RDH8: variants seen among roughly 807,000 people sequenced by gnomAD.
RDH8 encodes photoreceptor outer segment all-trans retinol dehydrogenase.
Under a neutral mutation model 22.3 loss-of-function variants are expected in RDH8, and 14 were observed. That is an observed-to-expected ratio of 0.63 (90% confidence interval 0.42 to 0.98). The LOEUF is 0.98. RDH8 is among the 50% of genes least tolerant of loss of function. The pLI is 0.00. For synonymous variants in RDH8, 175 were observed against 171.7 expected (o/e 1.02, Z -0.15); for missense variants, 389 against 409.8 (o/e 0.95, Z 0.44).
At chr19:10,016,989 A>C in intron 1 of RDH8, 68 bp from the exon 2 acceptor site, 1 of 1,400,964 alleles carries the variant, frequency 7.1e-7, no homozygotes, top group South Asian at 1.7e-5. Flanking sequence ...AAGATCACAG[A>C]CACGTGGCGC....
At chr19:10,017,331 G>A (rs2145166297) in intron 2 of RDH8, 116 bp downstream of exon 2, 1 of 1,160,614 alleles carries the variant, frequency 8.6e-7, no homozygotes, top group East Asian at 2.7e-5. Flanking sequence ...CTGAACCTGG[G>A]CAGAAGGGGT....
chr19:10,018,817 G>A lies in RDH8; in HGVS notation c.349G>A (p.Gly117Arg), dbSNP rs376536467. The change falls in exon 3 of 6, where the codon GGA becomes AGA. Residue 117 changes from glycine to arginine, a missense_variant. Transcript: ENST00000591589. The part of the protein sequence containing the change: ...MQNVFDTNFF[G>R]AVRLVKAVLP... ...GAATGTCTTTGACACCAACTTTTTCGGAGCTGTCCGTCTCGTCAAAGCTGT... is the reference window on the plus strand; with the variant it reads ...GAATGTCTTTGACACCAACTTTTTCAGAGCTGTCCGTCTCGTCAAAGCTGT... 1.1e-5 allele frequency: 18 copies of A among 1,613,818 alleles called. No individual in the cohort carries two copies. Among genetic ancestry groups the A allele is most frequent in the East Asian group, 4.5e-5 (2 of 44,870 alleles).
Position 10,021,740 on chromosome 19 carries a change from G to A in RDH8, c.927G>A (p.Arg309=). The part of the protein sequence containing the change: ...LSCGCLPTRV[R]PR The stretch of plus-strand genomic sequence containing the variant: ...GCGGCTGCCTCCCAACGCGGGTGCG[G>A]CCAAGATGAGCAGAACAGAGCTTCA... The change falls in exon 6 of 6, where the codon CGG becomes CGA. Residue 309 remains arginine, a synonymous_variant. Coordinates refer to ENST00000591589, the MANE Select transcript of RDH8 (RefSeq NM_015725.4). The A allele has an allele frequency of 1.2e-6, 2 of 1,613,282 alleles. No individual in the cohort carries two copies. Among genetic ancestry groups the A allele is most frequent in the Non-Finnish European group, 1.7e-6 (2 of 1,179,974 alleles).
rs746578177 is a variant in RDH8 at position 10,018,798 on chromosome 19, C to T, written c.330C>T (p.Val110=). ...TCAGCCTTGCTGCCATGCAGAATGT[C>T]TTTGACACCAACTTTTTCGGAGCTG... The part of the protein sequence containing the change: ...EGLSLAAMQN[V]FDTNFFGAVR... Residue 110 remains valine, a synonymous_variant, in exon 3 of 6, where the codon GTC becomes GTT. Transcript: ENST00000591589. 1.2e-6 allele frequency: 2 copies of T among 1,614,048 alleles called. No homozygotes were observed. Among genetic ancestry groups the T allele is most frequent in the South Asian group, 2.2e-5 (2 of 91,042 alleles).
At position 10,013,615 on chromosome 19, in the gene RDH8, G is replaced by A; in HGVS notation, c.103+15G>A. ...GCGCTACCAGGGTAAGAAGTGCAGG[G>A]TGGCACTAGGAGGCAGCCGGGTGGA... On this transcript the variant is annotated intron_variant, in intron 1 of 5. Transcript: ENST00000591589. The A allele has an allele frequency of 3.7e-6, 6 of 1,613,758 alleles. No homozygotes were observed. The highest frequency in any genetic ancestry group is 5.1e-6 in the Non-Finnish European group (6 of 1,179,974).
At position 10,021,752 on chromosome 19, in the gene RDH8, A is replaced by G; in HGVS notation, c.*3A>G. ...CAACGCGGGTGCGGCCAAGATGAGC[A>G]GAACAGAGCTTCACGATCCCCATCC... is the stretch of plus-strand genomic sequence containing the variant. On this transcript the variant is annotated 3_prime_UTR_variant, in exon 6 of 6. Transcript: ENST00000591589. 1 of 1,612,926 alleles carries G rather than the reference A, an allele frequency of 6.2e-7. No homozygotes were observed. The highest frequency in any genetic ancestry group is 8.5e-7 in the Non-Finnish European group (1 of 1,179,746).
At chr19:10,016,515 C>T (rs2087618395) in intron 1 of RDH8, among the ~76,000 whole-genome samples, 1 of 151,830 alleles carries the variant, frequency 6.6e-6, no homozygotes, top group Non-Finnish European at 1.5e-5. Flanking sequence ...GACGGTAGTG[C>T]AGTGGCTCCA....
rs542025894 is a variant in RDH8, at chr19:10,021,739, G to A, written c.926G>A (p.Arg309Gln). Residue 309 changes from arginine to glutamine, a missense_variant, in exon 6 of 6, where the codon CGG (arginine) becomes CAG (glutamine). Physicochemically the swap from Arg to Gln is conservative, Grantham distance 43. Transcript: ENST00000591589. ...TGCGGCTGCCTCCCAACGCGGGTGC[G>A]GCCAAGATGAGCAGAACAGAGCTTC... ...LSCGCLPTRV[R>Q]PR The A allele has an allele frequency of 1.8e-5, 29 of 1,613,404 alleles. No individual in the cohort carries two copies. Among genetic ancestry groups the A allele is most frequent in the South Asian group, 8.8e-5 (8 of 91,066 alleles).
intron 1 of RDH8, among the ~76,000 whole-genome samples, chr19:10,015,900 C>T (rs975008976): frequency 6.6e-6 from 1 of 150,894 alleles, no homozygotes; most frequent in African/African-American, 2.4e-5. Context: ...TGCAGTGAGC[C>T]GAGATTGCAC....
Position 10,018,908 on chromosome 19 carries a change from AG to A in RDH8, c.442+1del. On this transcript the variant is annotated frameshift_variant and splice_region_variant, in exon 3 of 6. Coordinates refer to ENST00000591589, the MANE Select transcript of RDH8 (RefSeq NM_015725.4). LOFTEE classifies it high-confidence loss of function. ...GTGATCAGCAGTGTCATGGGCCTGC[AG>A]GGTGAGCTGTGGGGACCCAACCCTG... ...IVVISSVMGL[Q>X]GVIFNDVYAA... 2.5e-6 allele frequency: 4 copies of A among 1,603,398 alleles called. No homozygotes were observed. The highest frequency in any genetic ancestry group is 4.5e-5 in the East Asian group (2 of 44,540).
chr19:10,021,187 A>AAT, intron 4 of RDH8, 68 bp from the exon 5 acceptor site: 1 of 1,502,146 alleles, frequency 6.7e-7, no homozygotes. Context: ...AAAAAAAAAA[A>AAT]AAATGGACAA....
At chr19:10,020,826 G>T (rs1006495554) in intron 4 of RDH8, 24 bp downstream of exon 4, 3 of 1,556,790 alleles carry the variant, frequency 1.9e-6, no homozygotes, top group Non-Finnish European at 2.6e-6. Context: ...GTGGGCAGAG[G>T]GGGCTTGGAG....
chr19:10,018,346 G>A (rs1013252579), intron 2 of RDH8, among the ~76,000 whole-genome samples: 7 of 152,180 alleles, frequency 4.6e-5, no homozygotes, highest in African/African-American at 1.7e-4. Flanking sequence ...CTCATATATG[G>A]AGAAAGCCAT....
chr19:10,017,909 G>A (rs2087631594), intron 2 of RDH8, among the ~76,000 whole-genome samples: 1 of 151,902 alleles, frequency 6.6e-6, no homozygotes, highest in South Asian at 2.1e-4. Context: ...ACCTCCCAGA[G>A]TGCTGGAATT....
chr19:10,015,271 G>C (rs934985029), intron 1 of RDH8, among the ~76,000 whole-genome samples: 3 of 151,966 alleles, frequency 2.0e-5, no homozygotes, highest in Non-Finnish European at 4.4e-5. Context: ...GGCCAACATG[G>C]TGAAACCCCG....
In RDH8 at chr19:10,021,619, C is replaced by T; in HGVS notation, c.806C>T (p.Thr269Ile). The change falls in exon 6 of 6, where the codon ACC (threonine) becomes ATC (isoleucine). Residue 269 changes from threonine (T) to isoleucine (I), a missense_variant. Coordinates refer to ENST00000591589, the MANE Select transcript of RDH8 (RefSeq NM_015725.4). ...TACTCGCCGCTGACCACGCTCAAAA[C>T]CGTGGATTCCTCTGGCAGCCTGTAT... Reference protein sequence around the residue: ...IRYSPLTTLKTVDSSGSLYVR... With the variant: ...IRYSPLTTLKIVDSSGSLYVR... 3.1e-6 allele frequency: 5 copies of T among 1,613,694 alleles called. No homozygotes were observed. Among genetic ancestry groups the T allele is most frequent in the Non-Finnish European group, 4.2e-6 (5 of 1,179,588 alleles).
At chr19:10,013,696 C>A in intron 1 of RDH8, 96 bp downstream of exon 1, 1 of 1,290,342 alleles carries the variant, frequency 7.7e-7, no homozygotes, top group South Asian at 1.3e-5. Flanking sequence ...CACTTGTGGG[C>A]TTGGGGAGAC....
At chr19:10,018,649 G>T (rs1485064462) in intron 2 of RDH8, 82 bp from the exon 3 acceptor site, 14 of 1,147,062 alleles carry the variant, frequency 1.2e-5, no homozygotes, top group Admixed American at 2.3e-5. Flanking sequence ...GGAGTACGGG[G>T]TGAGGTGCTT....
At chr19:10,020,574 T>A in intron 3 of RDH8, 135 bp from the exon 4 acceptor site, 1 of 646,612 alleles carries the variant, frequency 1.5e-6, no homozygotes, top group South Asian at 1.8e-5. Context: ...ACACCCATCA[T>A]CTTGGCACCA....
Sources: gnomAD v4.1 joint callset for allele counts (sites outside exome capture counted in the v4.1 genomes callset) on GRCh38, gnomAD v4.1.1 for gene constraint, MANE v1.5 for transcripts, NCBI Gene and HGNC (gene_info 2026-07-23, HGNC 2026-07-21) for gene names.